The following CORO1C variants were observed in gnomAD, a reference collection of about 807,000 sequenced individuals.
CORO1C encodes coronin 1C.
A neutral mutation model predicts 51.2 loss-of-function variants in CORO1C; 14 were observed. That is an observed-to-expected ratio of 0.27 (90% CI 0.18 to 0.43). The LOEUF is 0.43. Ranked by LOEUF, CORO1C falls within the 20% of genes least tolerant of loss-of-function variation. The pLI is 1.00. For synonymous variants in CORO1C, 181 were observed against 210.5 expected (o/e 0.86, Z 1.21); for missense variants, 417 against 607.8 (o/e 0.69, Z 3.30).
At chr12:108,677,922 G>A (rs2136832257) in intron 3 of CORO1C, among the ~76,000 whole-genome samples, 1 of 152,126 alleles carries the variant, frequency 6.6e-6, no homozygotes, top group Middle Eastern at 3.4e-3. Flanking sequence ...GGGAGGCTGA[G>A]GCAGGAGAAT....
chr12:108,694,043 C>T (rs993955399), intron 2 of CORO1C, among the ~76,000 whole-genome samples: 29 of 151,990 alleles, frequency 1.9e-4, no homozygotes, highest in African/African-American at 6.8e-4. Context: ...GCCTGTAATC[C>T]CACTTTGGGA....
intron 4 of CORO1C, among the ~76,000 whole-genome samples, 200 bp downstream of exon 4, chr12:108,661,829 C>T (rs1481621506): frequency 6.6e-6 from 1 of 152,118 alleles, no homozygotes; most frequent in Non-Finnish European, 1.5e-5. Flanking sequence ...TCGAAATGGC[C>T]TTGAAACACA....
At chr12:108,657,958 T>C (rs2033097736) in intron 5 of CORO1C, among the ~76,000 whole-genome samples, 1 of 152,214 alleles carries the variant, frequency 6.6e-6, no homozygotes, top group African/African-American at 2.4e-5. Context: ...GCTACTATCA[T>C]TGCCCAACTC....
intron 6 of CORO1C, among the ~76,000 whole-genome samples, chr12:108,655,635 G>A (rs1039083938): frequency 6.6e-6 from 1 of 152,246 alleles, no homozygotes; most frequent in Non-Finnish European, 1.5e-5. Flanking sequence ...GCCAGCCTCG[G>A]CCTCCCGAGG....
At position 108,645,451 on chromosome 12, in the gene CORO1C, A is replaced by T. The variant is rs1406136724; in HGVS notation, c.*1952T>A. ...TTCATTAATTCGATATCAGAACCTT[A>T]AAACACTACTGAATCTTAGACAAAA... On this transcript the variant is annotated 3_prime_UTR_variant, in exon 11 of 11. Coordinates refer to ENST00000261401, the MANE Select transcript of CORO1C (RefSeq NM_014325.4). The T allele has an allele frequency of 2.0e-5, 3 of 152,234 alleles. No individual in the cohort carries two copies. The highest frequency in any genetic ancestry group is 2.0e-4 in the Admixed American group (3 of 15,282). The allele number at this position is 152,234 out of a possible 1,614,324, so 9.4% of individuals were successfully genotyped here.
chr12:108,659,021 A>C, intron 4 of CORO1C, 102 bp from the exon 5 acceptor site: 1 of 1,035,412 alleles, frequency 9.7e-7, no homozygotes, highest in Non-Finnish European at 1.3e-6. Context: ...GTATATGCAG[A>C]GAGAGAGAGA....
rs377508895 is a variant in CORO1C, at chr12:108,648,935, T to C, written c.1059+28A>G. 5.6e-6 allele frequency: 9 copies of C among 1,611,938 alleles called. No homozygotes were observed. In the African/African-American group the frequency reaches 9.4e-5, roughly 17 times the overall value. On this transcript the variant is annotated intron_variant, in intron 9 of 10. Transcript: ENST00000261401. The stretch of plus-strand genomic sequence containing the variant: ...TTTATTTTTACATTTGTTTAAAATA[T>C]GGATTGTCTAGAAAACTCAGCACTC...
At chr12:108,702,202 C>T (rs912698888) in intron 1 of CORO1C, among the ~76,000 whole-genome samples, 1 of 152,188 alleles carries the variant, frequency 6.6e-6, no homozygotes, top group Non-Finnish European at 1.5e-5. Flanking sequence ...TGACAGTAAA[C>T]CAGACTTGAG....
At chr12:108,703,170 G>C (rs1333734989) in intron 1 of CORO1C, 1 of 406,338 alleles carries the variant, frequency 2.5e-6, no homozygotes, top group Non-Finnish European at 4.4e-6. Context: ...ACAAGTTATA[G>C]AAGCTGCAAT....
At position 108,658,253 on chromosome 12, in the gene CORO1C, C is replaced by A. The variant is rs563015394; in HGVS notation, c.630+485G>T. Among the ~76,000 whole-genome samples, 1 of 151,894 alleles carries A rather than the reference C, an allele frequency of 6.6e-6. No homozygotes were observed. The highest frequency in any genetic ancestry group is 6.6e-5 in the Admixed American group (1 of 15,228). ...TAGAGACAGAGTTTCACCATGTTGG[C>A]CAGGCTGGTCTCAAACTCCTGACCT... On this transcript the variant is annotated intron_variant, in intron 5 of 10. Coordinates refer to ENST00000261401, the MANE Select transcript of CORO1C (RefSeq NM_014325.4). The surrounding 1 kb of genome is among the most constrained non-coding windows in gnomAD (Gnocchi z 4.9).
rs1430057809 is a variant in CORO1C at position 108,720,524 on chromosome 12, A to AT, written c.-6+10904_-6+10905insA. Among the ~76,000 whole-genome samples, 3 of 136,120 alleles carry AT rather than the reference A, an allele frequency of 2.2e-5. No homozygotes were observed. The East Asian group carries it at 6.7e-4, about 30-fold the overall frequency. 89.3% of individuals were successfully genotyped at this position (136,120 alleles called of 152,430 possible). On this transcript the variant is annotated intron_variant, in intron 1 of 10. Transcript: ENST00000261401. ...AGTTAGTTTATAATAACATAATAAG[A>AT]ATTTTTTTTTTTTATTTGAGATGGA...
chr12:108,667,359 A>G (rs1339890987), intron 3 of CORO1C, among the ~76,000 whole-genome samples: 1 of 152,238 alleles, frequency 6.6e-6, no homozygotes, highest in Non-Finnish European at 1.5e-5. Context: ...TTCTATGGCT[A>G]CAGACTGGTA....
At chr12:108,656,893 C>A (rs528732706) in intron 6 of CORO1C, among the ~76,000 whole-genome samples, 1 of 152,220 alleles carries the variant, frequency 6.6e-6, no homozygotes, top group South Asian at 2.1e-4. Flanking sequence ...TCTCAAGTAC[C>A]CAGGGACACA....
Position 108,676,590 on chromosome 12 carries a change from G to T in CORO1C, c.318+1682C>A, listed in dbSNP as rs533087966. 5.3e-5 allele frequency among the ~76,000 whole-genome samples: 8 copies of T among 152,044 alleles called. 1 individual carries two copies. In the South Asian group the frequency reaches 1.5e-3, roughly 28 times the overall value. ...AGTTCGAGACCAGCCTGGCCAACAT[G>T]ATGAAACTCCGTTTCTACTAAAAAC... is the stretch of plus-strand genomic sequence containing the variant. On this transcript the variant is annotated intron_variant, in intron 3 of 10. Transcript: ENST00000261401.
rs201885146 is a variant in CORO1C at position 108,678,250 on chromosome 12, A to G, written c.318+22T>C. 18 of 1,602,522 alleles carry G rather than the reference A, an allele frequency of 1.1e-5. 1 individual carries two copies. The Admixed American group carries it at 1.7e-4, about 15-fold the overall frequency. On this transcript the variant is annotated intron_variant, in intron 3 of 10. Coordinates refer to ENST00000261401, the MANE Select transcript of CORO1C (RefSeq NM_014325.4). Reference sequence around the variant, plus strand: ...AGGTGAGTCTCACTGGCCTGTGTGCACACAACACCCTGGGAGCTTACCATG... The same window carrying G: ...AGGTGAGTCTCACTGGCCTGTGTGCGCACAACACCCTGGGAGCTTACCATG...
chr12:108,728,838 G>A lies in CORO1C; in HGVS notation c.-6+2591C>T, dbSNP rs549555856. Among the ~76,000 whole-genome samples the A allele has an allele frequency of 2.1e-4, 32 of 152,256 alleles. No homozygotes were observed. In the South Asian group the frequency reaches 4.8e-3, roughly 23 times the overall value. On this transcript the variant is annotated intron_variant, in intron 1 of 10. Transcript: ENST00000261401. ...CTTAAGTTTAAAAAGACATACAAGT[G>A]TCAGAAAAGAGTTTTCATAATTCAA...
At chr12:108,729,334 C>CAA (rs1199474930) in intron 1 of CORO1C, among the ~76,000 whole-genome samples, 1 of 152,050 alleles carries the variant, frequency 6.6e-6, no homozygotes, top group African/African-American at 2.4e-5. Context: ...AATCTGCAGG[C>CAA]AAAGTAACAA....
intron 1 of CORO1C, among the ~76,000 whole-genome samples, chr12:108,705,622 A>C (rs1435068502): frequency 6.6e-6 from 1 of 152,166 alleles, no homozygotes; most frequent in South Asian, 2.1e-4. Flanking sequence ...AACTAATTGT[A>C]TGAGGCCAGT....
chr12:108,662,109 A>G lies in CORO1C; in HGVS notation c.368T>C (p.Val123Ala). 2 of 1,613,714 alleles carry G rather than the reference A, an allele frequency of 1.2e-6. No homozygotes were observed. Among genetic ancestry groups the G allele is most frequent in the South Asian group, 1.1e-5 (1 of 91,062 alleles). Residue 123 changes from valine to alanine, a missense_variant, in exon 4 of 11, where the codon GTG (valine) becomes GCG (alanine). Coordinates refer to ENST00000261401, the MANE Select transcript of CORO1C (RefSeq NM_014325.4). ...CTTTGAGTGGCCTTCCAAAATCACC[A>G]CAGGTTCAGTCAGGGAAAGGGTGAG... ...NGLTLSLTEP[V>A]VILEGHSKRV...
Sources: allele counts gnomAD v4.1 joint callset (sites outside exome capture counted in the v4.1 genomes callset), GRCh38; gene constraint gnomAD v4.1.1; non-coding constraint Gnocchi (gnomAD v3.1); transcripts MANE v1.5; gene names NCBI Gene and HGNC (gene_info 2026-07-23, HGNC 2026-07-21).